The following FBXW5 variants were observed in gnomAD, a reference collection of about 807,000 sequenced individuals.
FBXW5 encodes F-box/WD repeat-containing protein 5.
Under a neutral mutation model 50.9 loss-of-function variants are expected in FBXW5, and 74 were observed. The ratio of observed to expected loss-of-function variants is 1.45; its 90% CI spans 1.20 to 1.76. The LOEUF (loss-of-function observed/expected upper bound fraction) is 1.76. FBXW5 is among the 40% of genes most tolerant of loss of function. The probability of loss-of-function intolerance (pLI) is 0.00; values close to 1 mark genes in which losing one functional copy is unlikely to be tolerated. For synonymous variants in FBXW5, 523 were observed against 362.2 expected (o/e 1.44, Z -5.04); for missense variants, 1,073 against 818.8 (o/e 1.31, Z -3.79).
In FBXW5 at chr9:136,941,114, G is replaced by T. The variant is rs1445618531; in HGVS notation, c.1515C>A (p.Ala505=). Residue 505 remains alanine, a synonymous_variant, in exon 9 of 9, where the codon GCC becomes GCA. Coordinates refer to ENST00000325285, the MANE Select transcript of FBXW5 (RefSeq NM_018998.4). ...IWDRHYNICL[A]RLRHEDVVNS... is the part of the protein sequence containing the mutation. ...TGACCACATCCTCGTGCCGCAGCCT[G>T]GCCAGACAGATGTTGTAGTGGCGGT... The T allele has an allele frequency of 1.9e-6, 3 of 1,595,572 alleles. No individual in the cohort carries two copies. The highest frequency in any genetic ancestry group is 2.6e-6 in the Non-Finnish European group (3 of 1,171,494).
At chr9:136,944,397 G>C in intron 1 of FBXW5, 197 bp downstream of exon 1, 1 of 769,020 alleles carries the variant, frequency 1.3e-6, no homozygotes, top group South Asian at 6.1e-5. Context: ...GGCGCCGTCC[G>C]GGGACGGGCT....
intron 2 of FBXW5, 139 bp downstream of exon 2, chr9:136,943,752 C>G: frequency 3.7e-6 from 4 of 1,088,356 alleles, no homozygotes; most frequent in Non-Finnish European, 3.9e-6. Context: ...TGTGTCCTGA[C>G]AGGCCTCTAT....
chr9:136,942,888 T>G lies in FBXW5; in HGVS notation c.407A>C (p.Tyr136Ser). ...GGAGAACTGGGTGTAGCTCCAGTTG[T>G]AGGGCCGCATGTCCGCGCTGTGCAG... ...SLLHSADMRP[Y>S]NWSYTQFSQF... The change falls in exon 4 of 9, where the codon TAC becomes TCC. Residue 136 changes from tyrosine (Y) to serine (S), a missense_variant. Transcript: ENST00000325285. 1 of 1,613,462 alleles carries G rather than the reference T, an allele frequency of 6.2e-7. No homozygotes were observed. The highest frequency in any genetic ancestry group is 8.5e-7 in the Non-Finnish European group (1 of 1,179,966).
chr9:136,944,465 G>A, intron 1 of FBXW5, 129 bp downstream of exon 1: 1 of 978,030 alleles, frequency 1.0e-6, no homozygotes, highest in Non-Finnish European at 1.2e-6. Context: ...CGGCCCTGGA[G>A]CAGCTCTGCC....
At chr9:136,943,000 G>A (rs776523690) in intron 3 of FBXW5, 57 bp from the exon 4 acceptor site, 3 of 1,606,704 alleles carry the variant, frequency 1.9e-6, no homozygotes, top group Middle Eastern at 1.8e-4. Flanking sequence ...GCGGGGGCCT[G>A]CTACTACACA....
Position 136,940,963 on chromosome 9 carries a change from TGCGAGGCCGTGG to T in FBXW5, c.1654_1665del (p.Pro552_Arg555del). 1.9e-6 allele frequency: 3 copies of T among 1,567,400 alleles called. No homozygotes were observed. Among genetic ancestry groups the T allele is most frequent in the Non-Finnish European group, 2.6e-6 (3 of 1,156,574 alleles). On this transcript the variant is annotated inframe_deletion, in exon 9 of 9. Coordinates refer to ENST00000325285, the MANE Select transcript of FBXW5 (RefSeq NM_018998.4). ...TGGCTGGCAAGCCAGGAGAAGAAGG[TGCGAGGCCGTGG>T]GCGAGGTGCCTGGAGGACGCGCATG...
rs200015233 is a variant in FBXW5 at position 136,942,511 on chromosome 9, C to T, written c.675+36G>A. 2.5e-6 allele frequency: 4 copies of T among 1,600,708 alleles called. No individual in the cohort carries two copies. The African/African-American group carries it at 4.0e-5, about 16-fold the overall frequency. The stretch of plus-strand genomic sequence containing the variant: ...CCAGGTGGGCGCCGGGCGCCAGGCC[C>T]CAGGAGGGCAGCCCCGCCCCTAGCC... On this transcript the variant is annotated intron_variant, in intron 5 of 8. Coordinates refer to ENST00000325285, the MANE Select transcript of FBXW5 (RefSeq NM_018998.4).
At position 136,943,944 on chromosome 9, in the gene FBXW5, C is replaced by T. The variant is rs772635750; in HGVS notation, c.140G>A (p.Arg47Lys). 4.5e-6 allele frequency: 7 copies of T among 1,555,756 alleles called. No homozygotes were observed. In the South Asian group the frequency reaches 7.1e-5, roughly 16 times the overall value. ...CTGGTAGTAGCGGTAGAACTGCTCCCTCCACAGGAACTCGTCCCGCGACAC... is the reference window on the plus strand; with the variant it reads ...CTGGTAGTAGCGGTAGAACTGCTCCTTCCACAGGAACTCGTCCCGCGACAC... ...QAVSRDEFLW[R>K]EQFYRYYQVA... Residue 47 changes from arginine (R) to lysine (K), a missense_variant, in exon 2 of 9, where the codon AGG becomes AAG. Transcript: ENST00000325285.
chr9:136,941,894 A>G, intron 6 of FBXW5, 152 bp downstream of exon 6: 1 of 1,436,280 alleles, frequency 7.0e-7, no homozygotes, highest in South Asian at 1.5e-5. Context: ...TGCTCATCCC[A>G]CAGGCCCCAG....
At chr9:136,944,269 C>T (rs1463995411) in intron 1 of FBXW5, 163 bp from the exon 2 acceptor site, 5 of 805,584 alleles carry the variant, frequency 6.2e-6, no homozygotes, top group Non-Finnish European at 8.8e-6. Flanking sequence ...CCGGCAGCTC[C>T]GGGCGGGCCG....
At chr9:136,941,746 G>C (rs921902070) in intron 6 of FBXW5, 62 bp from the exon 7 acceptor site, 19 of 1,450,212 alleles carry the variant, frequency 1.3e-5, no homozygotes, top group Non-Finnish European at 1.7e-5. Flanking sequence ...CTCCAGGGCA[G>C]CTTCCTACCT....
rs759430143 is a variant in FBXW5 at position 136,942,101 on chromosome 9, C to A, written c.1041G>T (p.Lys347Asn). 3.1e-6 allele frequency: 5 copies of A among 1,612,814 alleles called. No individual in the cohort carries two copies. Among genetic ancestry groups the A allele is most frequent in the Non-Finnish European group, 4.2e-6 (5 of 1,179,422 alleles). ...KPPERSATGA[K>N]SKYLIFTTGC... ...CAGTGGTGAAGATGAGGTACTTGCT[C>A]TTGGCGCCTGTGGCACTGCGCTCGG... The change falls in exon 6 of 9, where the codon AAG (lysine) becomes AAT (asparagine). Residue 347 changes from lysine (K) to asparagine (N), a missense_variant. Coordinates refer to ENST00000325285, the MANE Select transcript of FBXW5 (RefSeq NM_018998.4).
At position 136,941,124 on chromosome 9, in the gene FBXW5, A is replaced by T. The variant is rs1564432142; in HGVS notation, c.1505T>A (p.Ile502Asn). Reference sequence around the variant, plus strand: ...CTCGTGCCGCAGCCTGGCCAGACAGATGTTGTAGTGGCGGTCCCAGATGTA... The same window carrying T: ...CTCGTGCCGCAGCCTGGCCAGACAGTTGTTGTAGTGGCGGTCCCAGATGTA... ...HGYIWDRHYNICLARLRHEDV... is the reference protein window; with the variant it reads ...HGYIWDRHYNNCLARLRHEDV... Residue 502 changes from isoleucine (I) to asparagine (N), a missense_variant, in exon 9 of 9, where the codon ATC becomes AAC. Transcript: ENST00000325285. The T allele has an allele frequency of 2.4e-5, 39 of 1,601,314 alleles. No homozygotes were observed. The highest frequency in any genetic ancestry group is 3.3e-5 in the Non-Finnish European group (39 of 1,174,404).
chr9:136,941,367 C>CACT lies in FBXW5; in HGVS notation c.1340_1341insAGT (p.Val447dup). On this transcript the variant is annotated inframe_insertion, in exon 8 of 9. Coordinates refer to ENST00000325285, the MANE Select transcript of FBXW5 (RefSeq NM_018998.4). ...CCTCCCGCATGGTCTTGAGGTCGAACACCAGCAGGTCAATCTCCTCCGCGA... is the reference window on the plus strand; with the variant it reads ...CCTCCCGCATGGTCTTGAGGTCGAACACTACCAGCAGGTCAATCTCCTCCGCGA... 1 of 1,611,742 alleles carries CACT rather than the reference C, an allele frequency of 6.2e-7. No homozygotes were observed. Among genetic ancestry groups the CACT allele is most frequent in the South Asian group, 1.1e-5 (1 of 91,088 alleles).
Position 136,942,892 on chromosome 9 carries a change from G to A in FBXW5, c.403C>T (p.Pro135Ser). 4 of 1,613,536 alleles carry A rather than the reference G, an allele frequency of 2.5e-6. No individual in the cohort carries two copies. The highest frequency in any genetic ancestry group is 3.4e-6 in the Non-Finnish European group (4 of 1,179,976). ...ISLLHSADMR[P>S]YNWSYTQFSQ... Reference sequence around the variant, plus strand: ...AACTGGGTGTAGCTCCAGTTGTAGGGCCGCATGTCCGCGCTGTGCAGCAGC... The same window carrying A: ...AACTGGGTGTAGCTCCAGTTGTAGGACCGCATGTCCGCGCTGTGCAGCAGC... Residue 135 changes from proline (P) to serine (S), a missense_variant, in exon 4 of 9, where the codon CCC becomes TCC. By Grantham distance (74) the Pro-to-Ser change is moderately conservative. Transcript: ENST00000325285.
chr9:136,942,244 CCTT>C lies in FBXW5; in HGVS notation c.895_897del (p.Lys299del). 1 of 1,586,150 alleles carries C rather than the reference CCTT, an allele frequency of 6.3e-7. No individual in the cohort carries two copies. Among genetic ancestry groups the C allele is most frequent in the Non-Finnish European group, 8.6e-7 (1 of 1,167,450 alleles). ...CGGTCCAGAAAGTGCCGCAAGCCCT[CCTT>C]GGCGTGGGCGGGGGCCGGGCCAGCC... On this transcript the variant is annotated inframe_deletion, in exon 6 of 9. Transcript: ENST00000325285.
rs1564434073 is a variant in FBXW5 at position 136,942,108 on chromosome 9, C to T, written c.1034G>A (p.Gly345Asp). The part of the protein sequence containing the change: ...HTKPPERSAT[G>D]AKSKYLIFTT... ...GAAGATGAGGTACTTGCTCTTGGCG[C>T]CTGTGGCACTGCGCTCGGGTGGCTT... The change falls in exon 6 of 9, where the codon GGC (glycine) becomes GAC (aspartate). Residue 345 changes from glycine to aspartate, a missense_variant. Coordinates refer to ENST00000325285, the MANE Select transcript of FBXW5 (RefSeq NM_018998.4). The T allele has an allele frequency of 6.2e-7, 1 of 1,612,922 alleles. No individual in the cohort carries two copies. The highest frequency in any genetic ancestry group is 8.5e-7 in the Non-Finnish European group (1 of 1,179,448).
In FBXW5 at chr9:136,942,184, C is replaced by G. The variant is rs1249346188; in HGVS notation, c.958G>C (p.Glu320Gln). The G allele has an allele frequency of 6.3e-7, 1 of 1,591,220 alleles. No homozygotes were observed. The highest frequency in any genetic ancestry group is 8.5e-7 in the Non-Finnish European group (1 of 1,170,204). The change falls in exon 6 of 9, where the codon GAG becomes CAG. Residue 320 changes from glutamate to glutamine, a missense_variant. Glu to Gln is a conservative substitution (Grantham distance 29, BLOSUM62 2). Transcript: ENST00000325285. Reference protein sequence around the residue: ...LEGRAQPQLSERMLETKVAEL... With the variant: ...LEGRAQPQLSQRMLETKVAEL... Reference sequence around the variant, plus strand: ...GCCACCTTGGTCTCTAGCATGCGCTCCGACAGCTGTGGCTGCGCCCGCCCC... The same window carrying G: ...GCCACCTTGGTCTCTAGCATGCGCTGCGACAGCTGTGGCTGCGCCCGCCCC...
At position 136,941,124 on chromosome 9, in the gene FBXW5, ATGT is replaced by A. The variant is rs769392959; in HGVS notation, c.1502_1504del (p.Asn501del). On this transcript the variant is annotated inframe_deletion, in exon 9 of 9. Transcript: ENST00000325285. ...CTCGTGCCGCAGCCTGGCCAGACAG[ATGT>A]TGTAGTGGCGGTCCCAGATGTAGCC... is the stretch of plus-strand genomic sequence containing the variant. 8 of 1,601,196 alleles carry A rather than the reference ATGT, an allele frequency of 5.0e-6. No individual in the cohort carries two copies. Among genetic ancestry groups the A allele is most frequent in the East Asian group, 2.3e-5 (1 of 44,444 alleles).
Sources: gnomAD v4.1 joint callset for allele counts on GRCh38, gnomAD v4.1.1 for gene constraint, MANE v1.5 for transcripts, NCBI Gene and HGNC (gene_info 2026-07-23, HGNC 2026-07-21) for gene names.